ZNF560: variants seen among roughly 807,000 people sequenced by gnomAD.
ZNF560 encodes zinc finger protein 560.
Under a neutral mutation model 81.8 loss-of-function variants are expected in ZNF560, and 54 were observed. The ratio of observed to expected loss-of-function variants is 0.66; its 90% CI spans 0.53 to 0.83. The LOEUF (loss-of-function observed/expected upper bound fraction) is 0.83. Ranked by LOEUF, ZNF560 falls within the 40% of genes least tolerant of loss-of-function variation. The pLI, the probability that ZNF560 is intolerant of heterozygous loss-of-function variation, is 0.00. For missense variants in ZNF560, 940 were observed against 932.4 expected (o/e 1.01, Z -0.11); for synonymous variants, 321 against 317.9 (o/e 1.01, Z -0.10).
intron 2 of ZNF560, among the ~76,000 whole-genome samples, chr19:9,478,152 ATGC>A (rs2073231477): frequency 1.3e-5 from 2 of 152,178 alleles, no homozygotes; most frequent in African/African-American, 4.8e-5. Context: ...ATGAAAAAAG[ATGC>A]AAATCACATA....
the ZNF560 span, among the ~76,000 whole-genome samples, chr19:9,505,915 C>T: frequency 6.6e-6 from 1 of 152,058 alleles, no homozygotes; most frequent in African/African-American, 2.4e-5. Flanking sequence ...CTGCCCACCT[C>T]ACCCTCCCAA....
chr19:9,479,164 G>C (rs1424746848), intron 2 of ZNF560, among the ~76,000 whole-genome samples: 4 of 150,442 alleles, frequency 2.7e-5, no homozygotes, highest in Non-Finnish European at 5.9e-5. Flanking sequence ...TCCAGCCTGG[G>C]ATTTTTTTTT....
chr19:9,457,172 C>T, the ZNF560 span, among the ~76,000 whole-genome samples: 7 of 152,256 alleles, frequency 4.6e-5, no homozygotes, highest in East Asian at 1.9e-4. Context: ...CCCCAGTTTT[C>T]GTAATTAAGA....
intron 3 of ZNF560, 131 bp from the exon 4 acceptor site, chr19:9,474,456 A>C (rs970034089): frequency 3.0e-6 from 3 of 997,546 alleles, no homozygotes; most frequent in Admixed American, 5.4e-5. Context: ...AAGCTTAATA[A>C]TCCCAGGTAA....
the ZNF560 span, among the ~76,000 whole-genome samples, chr19:9,457,452 A>G: frequency 1.3e-5 from 2 of 152,258 alleles, no homozygotes; most frequent in African/African-American, 4.8e-5. Context: ...CATGTTAAAC[A>G]GTCCAACAAT....
At chr19:9,457,984 C>T in the ZNF560 span, among the ~76,000 whole-genome samples, 1 of 152,182 alleles carries the variant, frequency 6.6e-6, no homozygotes, top group African/African-American at 2.4e-5. Context: ...TTTTCCAACT[C>T]AGCATTCACC....
intron 2 of ZNF560, among the ~76,000 whole-genome samples, chr19:9,495,294 G>A (rs1003029939): frequency 2.6e-5 from 4 of 152,162 alleles, no homozygotes; most frequent in Non-Finnish European, 5.9e-5. Flanking sequence ...GCCACAGGCT[G>A]GAGTGATACA....
Position 9,468,121 on chromosome 19 carries a change from G to C in ZNF560, c.826C>G (p.Leu276Val). ...VFSKHGKSFR[L>V]ILNVQVQRKC... ...CTCTGGACCTGAACATTTAAAATCAGGCGGAAAGATTTTCCATGCTTACTG... is the reference window on the plus strand; with the variant it reads ...CTCTGGACCTGAACATTTAAAATCACGCGGAAAGATTTTCCATGCTTACTG... The change falls in exon 10 of 10, where the codon CTG becomes GTG. Residue 276 changes from leucine (L) to valine (V), a missense_variant. Leu to Val is a conservative substitution (Grantham distance 32, BLOSUM62 1). Transcript: ENST00000301480. 1 of 1,613,998 alleles carries C rather than the reference G, an allele frequency of 6.2e-7. No homozygotes were observed.
intron 2 of ZNF560, among the ~76,000 whole-genome samples, chr19:9,483,127 G>A (rs374037769): frequency 0.1 from 14,701 of 146,738 alleles, 824 homozygotes; most frequent in South Asian, 0.19. Context: ...GCCACCCATC[G>A]TCTGGGATGT....
the ZNF560 span, among the ~76,000 whole-genome samples, chr19:9,453,468 AATG>A: frequency 6.6e-6 from 1 of 152,192 alleles, no homozygotes; most frequent in Non-Finnish European, 1.5e-5. Flanking sequence ...GGCACAAGGA[AATG>A]ATATCAGGAA....
chr19:9,468,773 G>C (rs1036282294), intron 9 of ZNF560, among the ~76,000 whole-genome samples: 3 of 148,278 alleles, frequency 2.0e-5, no homozygotes, highest in African/African-American at 7.5e-5. Flanking sequence ...TGTTGCCCAG[G>C]CTGTAGTGTG....
chr19:9,485,805 G>C (rs1237050372), intron 2 of ZNF560, among the ~76,000 whole-genome samples: 1 of 152,060 alleles, frequency 6.6e-6, no homozygotes, highest in Non-Finnish European at 1.5e-5. Flanking sequence ...CAAAGTACTG[G>C]GATTACAGGC....
the ZNF560 span, among the ~76,000 whole-genome samples, chr19:9,455,479 C>T: frequency 1.6e-4 from 25 of 152,240 alleles, no homozygotes; most frequent in South Asian, 4.1e-4. Context: ...CTGCATTAGA[C>T]GCACAAGTGG....
intron 2 of ZNF560, among the ~76,000 whole-genome samples, chr19:9,493,247 A>AG (rs5827063): frequency 0.67 from 101,799 of 152,032 alleles, 35,004 homozygotes; most frequent in African/African-American, 0.82. Context: ...AGAGCTGCTG[A>AG]TTCTGGCTGA....
At chr19:9,461,505 A>G (rs1316061297), downstream of ZNF560, among the ~76,000 whole-genome samples, 2 of 152,290 alleles carry the variant, frequency 1.3e-5, no homozygotes, top group Middle Eastern at 3.4e-3. Flanking sequence ...GATTGCTGTC[A>G]CAGCTACTGC....
At chr19:9,446,766 C>T in the ZNF560 span, among the ~76,000 whole-genome samples, 2 of 152,094 alleles carry the variant, frequency 1.3e-5, no homozygotes, top group African/African-American at 4.8e-5. Flanking sequence ...ACTTGATTTA[C>T]TTATAGTATA....
chr19:9,475,418 C>T (rs2073185214), intron 2 of ZNF560, 49 bp from the exon 3 acceptor site: 1 of 1,049,308 alleles, frequency 9.5e-7, no homozygotes, highest in Admixed American at 2.3e-5. Context: ...ACAGTTCCAA[C>T]ATTCGCATGC....
intron 7 of ZNF560, 80 bp from the exon 8 acceptor site, chr19:9,469,790 T>C (rs1024287205): frequency 5.7e-6 from 7 of 1,226,008 alleles, no homozygotes; most frequent in Non-Finnish European, 8.4e-6. Flanking sequence ...GGGACTACGT[T>C]TCTAATTAAA....
chr19:9,501,690 G>A (rs2073634667), upstream of ZNF560, among the ~76,000 whole-genome samples: 1 of 151,236 alleles, frequency 6.6e-6, no homozygotes, highest in South Asian at 2.1e-4. Context: ...GTAGAGATGA[G>A]GTTTCGCCAT....
Sources: allele counts gnomAD v4.1 joint callset (sites outside exome capture counted in the v4.1 genomes callset), GRCh38; gene constraint gnomAD v4.1.1; transcripts MANE v1.5; gene names NCBI Gene and HGNC (gene_info 2026-07-23, HGNC 2026-07-21).